The following CORO2A variants were observed in gnomAD, a reference collection of about 807,000 sequenced individuals.
The protein encoded by CORO2A is coronin 2A, also known as coronin-2A.
Under a neutral mutation model 62.4 loss-of-function variants are expected in CORO2A, and 47 were observed. The observed-to-expected ratio is 0.75, with a 90% CI of 0.60 to 0.96. The LOEUF (loss-of-function observed/expected upper bound fraction) is 0.96, where lower values mean the gene tolerates loss of function less well. CORO2A is among the 40% of genes least tolerant of loss of function. The pLI is 0.00. For missense variants in CORO2A, 610 were observed against 684.1 expected, an observed-to-expected ratio of 0.89 and a Z score of 1.21; for synonymous variants, 273 against 268.9, an observed-to-expected ratio of 1.02 and a Z score of -0.15.
chr9:98,184,592 G>C (rs1828216137), intron 1 of CORO2A, among the ~76,000 whole-genome samples: 2 of 152,046 alleles, frequency 1.3e-5, no homozygotes, highest in Non-Finnish European at 2.9e-5. Context: ...CCCTATCCCT[G>C]GCAGGTCCCA....
chr9:98,179,664 A>T (rs981793217), intron 1 of CORO2A, among the ~76,000 whole-genome samples: 2 of 152,118 alleles, frequency 1.3e-5, no homozygotes, highest in African/African-American at 4.8e-5. Context: ...GAGGGAGGTG[A>T]GCAGTCGGCC....
intron 1 of CORO2A, among the ~76,000 whole-genome samples, chr9:98,159,295 T>C (rs1827851258): frequency 6.6e-6 from 1 of 152,128 alleles, no homozygotes; most frequent in Admixed American, 6.5e-5. Context: ...GCAATTCTCC[T>C]GTAGCTGCCT....
chr9:98,187,155 C>T (rs932391351), intron 1 of CORO2A, among the ~76,000 whole-genome samples: 8 of 151,804 alleles, frequency 5.3e-5, no homozygotes, highest in Admixed American at 3.3e-4. Context: ...TGGTGGTGGG[C>T]GCCTGTAGTC....
chr9:98,189,349 G>C (rs1254216863), intron 1 of CORO2A, among the ~76,000 whole-genome samples: 1 of 152,158 alleles, frequency 6.6e-6, no homozygotes, highest in Non-Finnish European at 1.5e-5. Flanking sequence ...TAAAACACAA[G>C]AAGATTCTGC....
At chr9:98,173,081 G>A (rs951484890) in intron 1 of CORO2A, among the ~76,000 whole-genome samples, 5 of 152,314 alleles carry the variant, frequency 3.3e-5, no homozygotes, top group Non-Finnish European at 1.5e-5. Flanking sequence ...GAGGTGGGAG[G>A]ATCGCTTAGG....
Position 98,121,942 on chromosome 9 carries a change from G to A in CORO2A, c.*2832C>T, listed in dbSNP as rs561683500. The A allele has an allele frequency of 3.3e-5, 5 of 152,328 alleles. No homozygotes were observed. The highest frequency in any genetic ancestry group is 2.1e-4 in the South Asian group (1 of 4,824). 9.4% of individuals were successfully genotyped at this position (152,328 alleles called of 1,614,324 possible). On this transcript the variant is annotated 3_prime_UTR_variant, in exon 12 of 12. Transcript: ENST00000375077. ...GGCAATCTTGGCTAGTGCATCAGAC[G>A]GGAGTGAGCCCCAGTGACTGAGTAA...
At chr9:98,164,000 T>C (rs62575628) in intron 1 of CORO2A, among the ~76,000 whole-genome samples, 2,641 of 152,338 alleles carry the variant, frequency 0.017, 42 homozygotes, top group Middle Eastern at 0.037. Flanking sequence ...TAGGCATTGC[T>C]GGCTACCAGT....
At chr9:98,186,919 C>T (rs1011688589) in intron 1 of CORO2A, among the ~76,000 whole-genome samples, 2 of 152,170 alleles carry the variant, frequency 1.3e-5, no homozygotes, top group Non-Finnish European at 2.9e-5. Flanking sequence ...CAGGCCTGGA[C>T]TATTTCTACA....
rs908627215 is a variant in CORO2A, at chr9:98,123,662, C to CT, written c.*1111dup. The CT allele has an allele frequency of 5.5e-4, 80 of 146,592 alleles. No individual in the cohort carries two copies. The Middle Eastern group carries it at 0.011, about 20-fold the overall frequency. The allele number at this position is 146,592 out of a possible 1,614,324, so 9.1% of individuals were successfully genotyped here. A position where few individuals can be genotyped will look rare whatever the true frequency, so the allele number is the denominator to read the frequency against. ...GACGCTCACCACCACGGCTGGCCAA[C>CT]TTTTTTTTTTTGAGACGGAGTCTCA... On this transcript the variant is annotated 3_prime_UTR_variant, in exon 12 of 12. Coordinates refer to ENST00000375077, the MANE Select transcript of CORO2A (RefSeq NM_052820.4).
intron 1 of CORO2A, among the ~76,000 whole-genome samples, chr9:98,181,474 C>A (rs1036760079): frequency 6.6e-5 from 10 of 151,966 alleles, no homozygotes; most frequent in African/African-American, 2.4e-4. Flanking sequence ...CGGTGCCTGG[C>A]TCCAAACATC....
chr9:98,124,691 T>C lies in CORO2A; in HGVS notation c.*83A>G. ...AAAAATATAGAAATAGTGGTTGTCC[T>C]TGAGGGGACTTGTGGTTTGGTTCTA... On this transcript the variant is annotated 3_prime_UTR_variant, in exon 12 of 12. Transcript: ENST00000375077. 1 of 1,323,702 alleles carries C rather than the reference T, an allele frequency of 7.6e-7. No individual in the cohort carries two copies. Among genetic ancestry groups the C allele is most frequent in the Non-Finnish European group, 1.0e-6 (1 of 999,830 alleles). 82.0% of individuals were successfully genotyped at this position (1,323,702 alleles called of 1,614,324 possible).
In CORO2A at chr9:98,128,696, C is replaced by A; in HGVS notation, c.991G>T (p.Asp331Tyr). 6.2e-7 allele frequency: 1 copy of A among 1,614,156 alleles called. No homozygotes were observed. ...GIGVMPKRGL[D>Y]VSSCEIFRFY... is the part of the protein sequence containing the mutation. ...CGGAAGATCTCGCAGGAGGACACGT[C>A]GAGTCCTCTCTTTGGCATGACACCT... The change falls in exon 9 of 12, where the codon GAC becomes TAC. Residue 331 changes from aspartate to tyrosine, a missense_variant. Asp to Tyr is a radical substitution (Grantham distance 160). Transcript: ENST00000375077.
intron 2 of CORO2A, among the ~76,000 whole-genome samples, chr9:98,141,951 A>G (rs1327863661): frequency 6.6e-6 from 1 of 152,008 alleles, no homozygotes; most frequent in African/African-American, 2.4e-5. Flanking sequence ...AAAAAAAACT[A>G]AAAGGAATGA....
rs1434129315 is a variant in CORO2A, at chr9:98,134,820, C to T, written c.454G>A (p.Gly152Ser). ...CCCAGACTCACCTTGTAGTCATAGC[C>T]AGCACTGAAGAGGATGTTGGCGGCC... The part of the protein sequence containing the change: ...PTAANILFSA[G>S]YDYKVMIWNL... The change falls in exon 4 of 12, where the codon GGC (glycine) becomes AGC (serine). Residue 152 changes from glycine to serine, a missense_variant. By Grantham distance (56) the Gly-to-Ser change is moderately conservative. Transcript: ENST00000375077. 6.2e-7 allele frequency: 1 copy of T among 1,612,982 alleles called. No individual in the cohort carries two copies. The highest frequency in any genetic ancestry group is 2.2e-5 in the East Asian group (1 of 44,830).
chr9:98,186,468 T>C (rs886859634), intron 1 of CORO2A, among the ~76,000 whole-genome samples: 6 of 152,152 alleles, frequency 3.9e-5, no homozygotes, highest in African/African-American at 1.4e-4. Flanking sequence ...TTGTCATCTA[T>C]AAAATGGGAA....
intron 3 of CORO2A, among the ~76,000 whole-genome samples, chr9:98,136,200 G>C (rs1587994398): frequency 6.6e-6 from 1 of 152,244 alleles, no homozygotes; most frequent in Non-Finnish European, 1.5e-5. Context: ...GAAAAGGCAG[G>C]TATCACAAAA....
intron 1 of CORO2A, among the ~76,000 whole-genome samples, chr9:98,159,967 C>T (rs1827861578): frequency 6.6e-6 from 1 of 152,182 alleles, no homozygotes; most frequent in Admixed American, 6.5e-5. Flanking sequence ...TCTCTGTGCT[C>T]AATTCCTCAG....
chr9:98,177,042 G>GA (rs1216585364), intron 1 of CORO2A, among the ~76,000 whole-genome samples: 1 of 152,208 alleles, frequency 6.6e-6, no homozygotes, highest in African/African-American at 2.4e-5. Flanking sequence ...GGTTAGGAAA[G>GA]AAAGGCCTTA....
intron 2 of CORO2A, among the ~76,000 whole-genome samples, chr9:98,144,789 G>A (rs758528283): frequency 6.6e-6 from 1 of 152,116 alleles, no homozygotes; most frequent in African/African-American, 2.4e-5. Flanking sequence ...CAGCGGGCAC[G>A]GTAGGCTGGA....
Sources: gnomAD v4.1 joint callset for allele counts (sites outside exome capture counted in the v4.1 genomes callset) on GRCh38, gnomAD v4.1.1 for gene constraint, MANE v1.5 for transcripts, NCBI Gene and HGNC (gene_info 2026-07-23, HGNC 2026-07-21) for gene names.